The following ZNF680 variants were observed in gnomAD, a reference collection of about 807,000 sequenced individuals.
ZNF680 encodes zinc finger protein 680, also known as hypothetical protein FLJ90430.
A neutral mutation model predicts 12.1 loss-of-function variants in ZNF680; 6 were observed. The observed-to-expected ratio is 0.49, with a 90% CI of 0.27 to 0.98. The LOEUF (loss-of-function observed/expected upper bound fraction) is 0.98, where lower values mean the gene tolerates loss of function less well. Among genes scored for constraint, ZNF680 ranks in the 50% least tolerant of loss-of-function variants. The pLI is 0.12. For synonymous variants in ZNF680, 170 were observed against 199.3 expected (o/e 0.85, Z 1.24); for missense variants, 561 against 616.3 (o/e 0.91, Z 0.95).
chr7:64,514,326 G>A, the ZNF680 span, among the ~76,000 whole-genome samples: 3 of 152,070 alleles, frequency 2.0e-5, no homozygotes, highest in African/African-American at 4.8e-5. Context: ...ATGTCTAAAT[G>A]TGCACCATCA....
chr7:64,551,661 C>T (rs73130775), intron 1 of ZNF680: 34,558 of 153,200 alleles, frequency 0.23, 4,090 homozygotes, highest in South Asian at 0.28. Context: ...TGTAAAGAGA[C>T]AGCTCCAAGA....
chr7:64,558,304 A>T (rs984165181), intron 1 of ZNF680, among the ~76,000 whole-genome samples: 21 of 152,132 alleles, frequency 1.4e-4, no homozygotes, highest in Admixed American at 2.0e-4. Flanking sequence ...GAAATTCCTG[A>T]TGGTGGTGCC....
At chr7:64,511,863 A>G in the ZNF680 span, among the ~76,000 whole-genome samples, 85 of 151,178 alleles carry the variant, frequency 5.6e-4, 1 homozygote, top group Middle Eastern at 0.014. Context: ...GTTTGAGACC[A>G]GCCTGGCCAA....
intron 1 of ZNF680, among the ~76,000 whole-genome samples, chr7:64,549,194 G>A (rs779398951): frequency 3.3e-5 from 5 of 151,600 alleles, no homozygotes; most frequent in Non-Finnish European, 4.4e-5. Context: ...CTGTCCTGAT[G>A]AGCTAGCTCT....
downstream of ZNF680, among the ~76,000 whole-genome samples, chr7:64,518,314 CT>C (rs989026772): frequency 6.6e-6 from 1 of 151,666 alleles, no homozygotes; most frequent in African/African-American, 2.4e-5. Flanking sequence ...AAGAATGCAA[CT>C]TTTTTTTACA....
chr7:64,532,261 T>C (rs373624885), intron 3 of ZNF680, among the ~76,000 whole-genome samples: 2 of 150,264 alleles, frequency 1.3e-5, no homozygotes, highest in East Asian at 3.9e-4. Flanking sequence ...GCCGAGATCG[T>C]ACCACTGCAC....
intron 1 of ZNF680, 81 bp downstream of exon 1, chr7:64,562,844 C>G: frequency 6.5e-7 from 1 of 1,540,822 alleles, no homozygotes; most frequent in Non-Finnish European, 9.0e-7. Flanking sequence ...GTGCTTGGAG[C>G]CTGGAGTCCT....
the ZNF680 span, among the ~76,000 whole-genome samples, chr7:64,508,308 T>C: frequency 6.6e-6 from 1 of 151,684 alleles, no homozygotes; most frequent in Non-Finnish European, 1.5e-5. Context: ...CAGTACTCAA[T>C]GAGAAATGTT....
In ZNF680 at chr7:64,521,986, A is replaced by C. The variant is rs758244655; in HGVS notation, c.768T>G (p.His256Gln). Residue 256 changes from histidine to glutamine, a missense_variant, in exon 4 of 4, where the codon CAT becomes CAG. Transcript: ENST00000309683. ...GTTTCTCTTCAATATGAATTTTCTT[A>C]TGTTTAATAAGGGTTGAGGATTGGT... Reference protein sequence around the residue: ...AFNQSSTLIKHKKIHIEEKPF... With the variant: ...AFNQSSTLIKQKKIHIEEKPF... The C allele has an allele frequency of 6.2e-7, 1 of 1,612,508 alleles. No individual in the cohort carries two copies. Among genetic ancestry groups the C allele is most frequent in the South Asian group, 1.1e-5 (1 of 90,962 alleles).
At chr7:64,544,151 G>A (rs1374856116) in intron 2 of ZNF680, 155 bp downstream of exon 2, 1 of 1,157,246 alleles carries the variant, frequency 8.6e-7, no homozygotes, top group East Asian at 2.8e-5. Context: ...CGTACTGAAG[G>A]AATTTTTTTC....
chr7:64,558,153 G>C (rs1787524188), intron 1 of ZNF680, among the ~76,000 whole-genome samples: 1 of 152,174 alleles, frequency 6.6e-6, no homozygotes. Context: ...ATTATGAACA[G>C]GTGGTACAGA....
chr7:64,522,124 G>C lies in ZNF680; in HGVS notation c.630C>G (p.Tyr210Ter). The C allele has an allele frequency of 6.2e-7, 1 of 1,611,318 alleles. No homozygotes were observed. The highest frequency in any genetic ancestry group is 8.5e-7 in the Non-Finnish European group (1 of 1,178,624). Residue 210 changes from tyrosine (Y) to a stop codon, truncating the protein, a stop_gained, in exon 4 of 4, where the codon TAC becomes TAG. Coordinates refer to ENST00000309683, the MANE Select transcript of ZNF680 (RefSeq NM_178558.5). LOFTEE classifies it low-confidence loss of function (END_TRUNC). ...HIRIHTRENS[Y>*]KCEECGKVLN... ...GAACTTTGCCACATTCCTCACATTTGTAAGAATTCTCTCTAGTGTGAATTC... is the reference window on the plus strand; with the variant it reads ...GAACTTTGCCACATTCCTCACATTTCTAAGAATTCTCTCTAGTGTGAATTC...
At chr7:64,532,787 C>T (rs999138517) in intron 3 of ZNF680, among the ~76,000 whole-genome samples, 2 of 152,158 alleles carry the variant, frequency 1.3e-5, no homozygotes, top group Admixed American at 6.5e-5. Context: ...AAAATACCAG[C>T]TAACTGAATC....
chr7:64,502,017 TTTC>T, the ZNF680 span, among the ~76,000 whole-genome samples: 32,898 of 139,972 alleles, frequency 0.24, 4,482 homozygotes, highest in South Asian at 0.31. Context: ...TTTTTTTTTT[TTTC>T]CTGAGATGGA....
chr7:64,561,934 CA>C (rs1187872173), intron 1 of ZNF680, among the ~76,000 whole-genome samples: 109 of 80,244 alleles, frequency 1.4e-3, no homozygotes, highest in Admixed American at 1.9e-3. Context: ...GACTCCGTCT[CA>C]AAAAAAAAAA....
In ZNF680 at chr7:64,563,016, G is replaced by T. The variant is rs111930418; in HGVS notation, c.-62C>A. On this transcript the variant is annotated 5_prime_UTR_variant, in exon 1 of 4. Coordinates refer to ENST00000309683, the MANE Select transcript of ZNF680 (RefSeq NM_178558.5). The stretch of plus-strand genomic sequence containing the variant: ...AGTCACAGAGGCTGGGCCTCTAGGA[G>T]CAGAATACACAGAGCAGTAAAGACT... The T allele has an allele frequency of 6.3e-7, 1 of 1,590,834 alleles. No individual in the cohort carries two copies. Among genetic ancestry groups the T allele is most frequent in the Non-Finnish European group, 8.6e-7 (1 of 1,159,770 alleles).
At chr7:64,553,688 T>C (rs1204952059) in intron 1 of ZNF680, among the ~76,000 whole-genome samples, 1 of 152,226 alleles carries the variant, frequency 6.6e-6, no homozygotes, top group Non-Finnish European at 1.5e-5. Flanking sequence ...CCTCCCTGCC[T>C]GATTCTCCTG....
At chr7:64,500,108 C>A in the ZNF680 span, among the ~76,000 whole-genome samples, 1 of 152,088 alleles carries the variant, frequency 6.6e-6, no homozygotes, top group South Asian at 2.1e-4. Flanking sequence ...AGCTGCCCCC[C>A]TAGGTTTATT....
intron 1 of ZNF680, among the ~76,000 whole-genome samples, chr7:64,556,341 C>T (rs946879933): frequency 3.4e-5 from 5 of 145,046 alleles, no homozygotes; most frequent in African/African-American, 1.3e-4. Context: ...AAGGCAATCA[C>T]AAGCAAAAAG....
Sources: gnomAD v4.1 joint callset for allele counts (sites outside exome capture counted in the v4.1 genomes callset) on GRCh38, gnomAD v4.1.1 for gene constraint, MANE v1.5 for transcripts, NCBI Gene and HGNC (gene_info 2026-07-23, HGNC 2026-07-21) for gene names.